The following RBX1 variants were observed in gnomAD, a reference collection of about 807,000 sequenced individuals.
The protein encoded by RBX1 is E3 ubiquitin-protein ligase RBX1.
For missense variants in RBX1, 46 were observed against 141.4 expected (o/e 0.33, Z 3.42); for synonymous variants, 48 against 47.9 (o/e 1.00, Z -0.01).
intron 2 of RBX1, among the ~76,000 whole-genome samples, chr22:40,960,514 A>G (rs928310282): frequency 1.3e-5 from 2 of 152,176 alleles, no homozygotes; most frequent in Admixed American, 1.3e-4. Flanking sequence ...TAGTAGTGCC[A>G]TGGCCACAGT....
chr22:40,967,720 C>T (rs948589794), intron 3 of RBX1, 79 bp from the exon 4 acceptor site: 1 of 1,146,956 alleles, frequency 8.7e-7, no homozygotes, highest in Non-Finnish European at 1.3e-6. Flanking sequence ...ACCCATGCCA[C>T]TACCCTGTGG....
chr22:40,965,280 G>A (rs991622623), intron 3 of RBX1, among the ~76,000 whole-genome samples: 1 of 151,438 alleles, frequency 6.6e-6, no homozygotes, highest in Non-Finnish European at 1.5e-5. Context: ...TCCAGCCTGG[G>A]TGACAAAGTG....
intron 2 of RBX1, among the ~76,000 whole-genome samples, chr22:40,962,981 C>T (rs935089530): frequency 1.3e-5 from 2 of 151,486 alleles, no homozygotes; most frequent in African/African-American, 4.9e-5. Flanking sequence ...CAGGAGTGAG[C>T]CATCGCGCCT....
chr22:40,971,191 T>C (rs766979564), intron 4 of RBX1, among the ~76,000 whole-genome samples: 13 of 152,166 alleles, frequency 8.5e-5, no homozygotes, highest in African/African-American at 1.4e-4. Context: ...GAATTCCTTA[T>C]CTGGGGCTTT....
intron 3 of RBX1, 60 bp from the exon 4 acceptor site, chr22:40,967,739 G>A: frequency 7.1e-7 from 1 of 1,410,602 alleles, no homozygotes; most frequent in South Asian, 1.2e-5. Flanking sequence ...GGGACCTGTT[G>A]TCGCTCGATG....
intron 4 of RBX1, among the ~76,000 whole-genome samples, chr22:40,968,107 T>TTTTG (rs2058359018): frequency 1.4e-5 from 2 of 148,140 alleles, no homozygotes; most frequent in Admixed American, 6.7e-5. Context: ...TTTTTTTTTT[T>TTTTG]TGAGACGGAG....
chr22:40,964,163 C>A (rs769204474), intron 3 of RBX1, 46 bp downstream of exon 3: 3 of 1,431,666 alleles, frequency 2.1e-6, no homozygotes, highest in South Asian at 2.3e-5. Context: ...AAACATATTT[C>A]CACTTTTCCT....
At chr22:40,957,072 G>A (rs947763127) in intron 2 of RBX1, among the ~76,000 whole-genome samples, 3 of 151,474 alleles carry the variant, frequency 2.0e-5, no homozygotes, top group African/African-American at 4.8e-5. Context: ...CTTAGGCGGG[G>A]CGCGGTGGCT....
At chr22:40,952,301 T>G (rs572307406) in intron 1 of RBX1, among the ~76,000 whole-genome samples, 1 of 152,190 alleles carries the variant, frequency 6.6e-6, no homozygotes, top group Non-Finnish European at 1.5e-5. Flanking sequence ...TGCCACAGTT[T>G]GGGAGAACAG....
At chr22:40,956,001 T>C (rs2058324433) in intron 2 of RBX1, among the ~76,000 whole-genome samples, 1 of 152,184 alleles carries the variant, frequency 6.6e-6, no homozygotes, top group African/African-American at 2.4e-5. Context: ...AGAGAAAATT[T>C]TACTTTCTTG....
chr22:40,954,248 G>A (rs572663482), intron 2 of RBX1, among the ~76,000 whole-genome samples: 2 of 147,452 alleles, frequency 1.4e-5, no homozygotes, highest in South Asian at 4.4e-4. Flanking sequence ...CAACCTGGGC[G>A]ACACAGCAAG....
chr22:40,965,434 GT>G (rs958931346), intron 3 of RBX1, among the ~76,000 whole-genome samples: 36 of 143,266 alleles, frequency 2.5e-4, no homozygotes, highest in Non-Finnish European at 5.2e-4. Context: ...TTTTTTTTTT[GT>G]TTTTTGTTTT....
chr22:40,961,736 A>G (rs1601537074), intron 2 of RBX1, among the ~76,000 whole-genome samples: 1 of 151,822 alleles, frequency 6.6e-6, no homozygotes, highest in East Asian at 1.9e-4. Flanking sequence ...TGGCAAACCA[A>G]GTTACTCTGT....
At chr22:40,967,725 C>A in intron 3 of RBX1, 74 bp from the exon 4 acceptor site, 1 of 1,202,372 alleles carries the variant, frequency 8.3e-7, no homozygotes, top group Non-Finnish European at 1.2e-6. Context: ...TGCCACTACC[C>A]TGTGGGACCT....
At chr22:40,962,588 C>T (rs563139698) in intron 2 of RBX1, among the ~76,000 whole-genome samples, 17 of 150,602 alleles carry the variant, frequency 1.1e-4, no homozygotes, top group East Asian at 1.9e-4. Context: ...CTCTGCCTCC[C>T]GGATTCAAGC....
At chr22:40,959,632 G>A (rs1197533603) in intron 2 of RBX1, among the ~76,000 whole-genome samples, 1 of 152,148 alleles carries the variant, frequency 6.6e-6, no homozygotes, top group African/African-American at 2.4e-5. Flanking sequence ...GCAACGTGGG[G>A]AAACCCCATC....
intron 1 of RBX1, among the ~76,000 whole-genome samples, chr22:40,952,241 G>A (rs896052263): frequency 2.0e-5 from 3 of 152,296 alleles, no homozygotes; most frequent in Middle Eastern, 3.4e-3. Flanking sequence ...GTAAGCGTGG[G>A]AAAGCAAAAA....
intron 2 of RBX1, among the ~76,000 whole-genome samples, chr22:40,961,109 A>G (rs1601536779): frequency 8.0e-6 from 1 of 124,462 alleles, no homozygotes; most frequent in East Asian, 2.3e-4. Flanking sequence ...TTTTTTGATA[A>G]CAAGGTTTTG....
chr22:40,967,751 C>G (rs777013468), intron 3 of RBX1, 48 bp from the exon 4 acceptor site: 69 of 1,515,346 alleles, frequency 4.6e-5, no homozygotes, highest in Non-Finnish European at 5.9e-5. Flanking sequence ...CGCTCGATGG[C>G]TGAGCCTGCA....
Sources: gnomAD v4.1 joint callset for allele counts (sites outside exome capture counted in the v4.1 genomes callset) on GRCh38, gnomAD v4.1.1 for gene constraint, MANE v1.5 for transcripts, NCBI Gene and HGNC (gene_info 2026-07-23, HGNC 2026-07-21) for gene names.